The following REDIC1 variants were observed in gnomAD, a reference collection of about 807,000 sequenced individuals.
REDIC1 encodes the protein HEI10 Interacting Protein 1.
At chr12:39,647,772 T>C in the REDIC1 span, 7 of 1,431,446 alleles carry the variant, frequency 4.9e-6, no homozygotes, top group Non-Finnish European at 6.5e-6. Context: ...ATGTAAATGA[T>C]TTTATCTTCT....
the REDIC1 span, among the ~76,000 whole-genome samples, chr12:39,666,166 A>G: frequency 1.3e-5 from 2 of 152,154 alleles, no homozygotes; most frequent in Non-Finnish European, 2.9e-5. Flanking sequence ...GAATGCTTTC[A>G]GTTTTTGCCC....
the REDIC1 span, among the ~76,000 whole-genome samples, chr12:39,752,742 T>C: frequency 4.6e-5 from 7 of 152,128 alleles, no homozygotes; most frequent in African/African-American, 1.7e-4. Context: ...GCAAGTTCCC[T>C]GAGGTGGAAA....
At chr12:39,799,314 TG>T in the REDIC1 span, among the ~76,000 whole-genome samples, 1 of 147,604 alleles carries the variant, frequency 6.8e-6, no homozygotes, top group African/African-American at 2.5e-5. Flanking sequence ...TTCGCTGTGT[TG>T]GCCAGGCTGG....
At chr12:39,712,900 T>C in the REDIC1 span, among the ~76,000 whole-genome samples, 2 of 146,814 alleles carry the variant, frequency 1.4e-5, no homozygotes, top group Admixed American at 6.8e-5. Flanking sequence ...TGCATATACG[T>C]GTATATACGT....
chr12:39,712,531 C>T, the REDIC1 span, among the ~76,000 whole-genome samples: 1 of 139,716 alleles, frequency 7.2e-6, no homozygotes, highest in Non-Finnish European at 1.6e-5. Flanking sequence ...ACGACATATA[C>T]GAATATGCGT....
At chr12:39,903,482 C>T in the REDIC1 span, among the ~76,000 whole-genome samples, 3 of 152,000 alleles carry the variant, frequency 2.0e-5, no homozygotes, top group Non-Finnish European at 4.4e-5. Flanking sequence ...CTGAAAAATG[C>T]CATTCTAGGC....
At chr12:39,859,897 A>G in the REDIC1 span, among the ~76,000 whole-genome samples, 1 of 152,204 alleles carries the variant, frequency 6.6e-6, no homozygotes, top group Non-Finnish European at 1.5e-5. Context: ...ATTTCTACTC[A>G]AGCAGAGTCT....
At chr12:39,651,647 A>G in the REDIC1 span, among the ~76,000 whole-genome samples, 5 of 152,332 alleles carry the variant, frequency 3.3e-5, no homozygotes, top group East Asian at 9.6e-4. Flanking sequence ...GTTCCATCCC[A>G]GTCTATGACA....
the REDIC1 span, among the ~76,000 whole-genome samples, chr12:39,893,546 C>T: frequency 3.9e-5 from 6 of 152,310 alleles, no homozygotes; most frequent in South Asian, 4.1e-4. Flanking sequence ...GTGATCTGCC[C>T]GCCTTGGTCT....
chr12:39,873,173 A>G, the REDIC1 span, among the ~76,000 whole-genome samples: 5 of 152,316 alleles, frequency 3.3e-5, no homozygotes, highest in East Asian at 9.6e-4. Flanking sequence ...AACCAAACCT[A>G]TAAATTAACT....
At chr12:39,770,596 G>A in the REDIC1 span, among the ~76,000 whole-genome samples, 30 of 152,254 alleles carry the variant, frequency 2.0e-4, no homozygotes, top group East Asian at 5.8e-3. Flanking sequence ...TGTATCATGG[G>A]CTGTTGGGAA....
the REDIC1 span, among the ~76,000 whole-genome samples, chr12:39,896,520 A>G: frequency 4.3e-5 from 6 of 138,886 alleles, no homozygotes; most frequent in South Asian, 2.2e-4. Context: ...ATGTGTGTAT[A>G]CATGTATACA....
At chr12:39,735,273 G>A in the REDIC1 span, among the ~76,000 whole-genome samples, 2 of 152,178 alleles carry the variant, frequency 1.3e-5, no homozygotes, top group Non-Finnish European at 1.5e-5. Context: ...TGCCCCTAGA[G>A]GTGGCTCATA....
At chr12:39,898,429 A>G in the REDIC1 span, among the ~76,000 whole-genome samples, 2 of 152,102 alleles carry the variant, frequency 1.3e-5, no homozygotes, top group African/African-American at 4.8e-5. Flanking sequence ...TAAAATAACC[A>G]GTGTTTGTGT....
chr12:39,783,610 T>C, the REDIC1 span, among the ~76,000 whole-genome samples: 1 of 152,230 alleles, frequency 6.6e-6, no homozygotes, highest in African/African-American at 2.4e-5. Flanking sequence ...TTTGCATTTC[T>C]CTCATGGCCA....
the REDIC1 span, among the ~76,000 whole-genome samples, chr12:39,877,566 CTA>C: frequency 1.3e-5 from 2 of 152,116 alleles, no homozygotes; most frequent in Admixed American, 1.3e-4. Context: ...TAGGCAATAA[CTA>C]TATTCTCTTT....
At chr12:39,745,305 T>G in the REDIC1 span, among the ~76,000 whole-genome samples, 2 of 152,272 alleles carry the variant, frequency 1.3e-5, no homozygotes, top group South Asian at 4.1e-4. Flanking sequence ...TCAAGACAGT[T>G]ACTAAAATTT....
chr12:39,720,834 T>C, the REDIC1 span: 2 of 1,612,558 alleles, frequency 1.2e-6, no homozygotes, highest in Non-Finnish European at 1.7e-6. Flanking sequence ...AAGATTCAAA[T>C]AGGATGACCA....
the REDIC1 span, among the ~76,000 whole-genome samples, chr12:39,682,400 A>T: frequency 6.6e-6 from 1 of 152,130 alleles, no homozygotes; most frequent in African/African-American, 2.4e-5. Context: ...CTGGCCGTAG[A>T]TTATTTTCTT....
Sources: gnomAD v4.1 joint callset for allele counts (sites outside exome capture counted in the v4.1 genomes callset) on GRCh38, gnomAD v4.1.1 for gene constraint, MANE v1.5 for transcripts, NCBI Gene and HGNC (gene_info 2026-07-23, HGNC 2026-07-21) for gene names.